Variants in GOT1L1 observed in about 807,000 individuals in gnomAD.
GOT1L1 encodes aspartate aminotransferase, cytoplasmic 2.
Under a neutral mutation model 43.6 loss-of-function variants are expected in GOT1L1, and 38 were observed. That is an observed-to-expected ratio of 0.87 (90% CI 0.67 to 1.14). The LOEUF is 1.14. Ranked by LOEUF, GOT1L1 falls within the 50% of genes most tolerant of loss-of-function variation. The pLI is 0.00. For missense variants in GOT1L1, 482 were observed against 504.0 expected, an observed-to-expected ratio of 0.96 and a Z score of 0.42; for synonymous variants, 183 against 187.2, an observed-to-expected ratio of 0.98 and a Z score of 0.18.
intron 1 of GOT1L1, among the ~76,000 whole-genome samples, chr8:37,939,452 A>ATATATG (rs1807866657): frequency 1.6e-5 from 2 of 121,308 alleles, no homozygotes; most frequent in South Asian, 5.8e-4. Flanking sequence ...ATATATATAT[A>ATATATG]TATATATATA....
rs1252482637 is a variant in GOT1L1 at position 37,936,889 on chromosome 8, C to T, written c.613-19G>A. The T allele has an allele frequency of 1.2e-6, 2 of 1,610,736 alleles. No individual in the cohort carries two copies. The highest frequency in any genetic ancestry group is 1.3e-5 in the African/African-American group (1 of 74,712). ...GCTTGCTCTGTAGGAGAAAGGAGAACAAAAAAAGAATGAGACAGATGGAGG... is the reference window on the plus strand; with the variant it reads ...GCTTGCTCTGTAGGAGAAAGGAGAATAAAAAAAGAATGAGACAGATGGAGG... On this transcript the variant is annotated intron_variant, in intron 5 of 8. Coordinates refer to ENST00000307599, the MANE Select transcript of GOT1L1 (RefSeq NM_152413.3).
chr8:37,935,496 A>G (rs552170130), intron 7 of GOT1L1, among the ~76,000 whole-genome samples: 1 of 152,328 alleles, frequency 6.6e-6, no homozygotes, highest in African/African-American at 2.4e-5. Context: ...GTGCAAAACA[A>G]ATGTCCTATC....
intron 2 of GOT1L1, 24 bp from the exon 3 acceptor site, chr8:37,937,773 A>G (rs1443616947): frequency 1.3e-6 from 2 of 1,524,872 alleles, no homozygotes; most frequent in South Asian, 1.1e-5. Context: ...ATAGACACAA[A>G]TAGGCCAGGT....
At chr8:37,935,291 T>A (rs1807715120) in intron 7 of GOT1L1, 76 bp from the exon 8 acceptor site, 1 of 1,387,246 alleles carries the variant, frequency 7.2e-7, no homozygotes, top group Non-Finnish European at 9.8e-7. Context: ...GCCAGTCCAC[T>A]CTTCTTACCT....
intron 1 of GOT1L1, 69 bp downstream of exon 1, chr8:37,939,846 G>A: frequency 6.7e-7 from 1 of 1,484,780 alleles, no homozygotes; most frequent in Non-Finnish European, 9.2e-7. Flanking sequence ...CCTGCAGCAG[G>A]GAACACTGTC....
At chr8:37,935,508 C>T (rs1211590524) in intron 7 of GOT1L1, among the ~76,000 whole-genome samples, 196 bp downstream of exon 7, 1 of 152,218 alleles carries the variant, frequency 6.6e-6, no homozygotes. Flanking sequence ...TGTCCTATCA[C>T]TCTGTCCCCT....
intron 4 of GOT1L1, 53 bp from the exon 5 acceptor site, chr8:37,937,110 C>T: frequency 6.4e-7 from 1 of 1,554,130 alleles, no homozygotes; most frequent in Non-Finnish European, 8.9e-7. Flanking sequence ...GAGTGGCGGC[C>T]CCAGGGCATT....
In GOT1L1 at chr8:37,937,185, A is replaced by T; in HGVS notation, c.519+92T>A. 8 of 1,217,058 alleles carry T rather than the reference A, an allele frequency of 6.6e-6. 1 individual carries two copies. The highest frequency in any genetic ancestry group is 2.5e-4 in the Middle Eastern group (1 of 4,054). 75.4% of individuals were successfully genotyped at this position (1,217,058 alleles called of 1,614,324 possible). On this transcript the variant is annotated intron_variant, in intron 4 of 8. Transcript: ENST00000307599. ...GGCCAGGCAAATTCAAACCTGGAAA[A>T]GGTCTTGGATGACTTAAGAGGTGTG...
chr8:37,937,344 T>C lies in GOT1L1; in HGVS notation c.452A>G (p.Tyr151Cys). 6.2e-7 allele frequency: 1 copy of C among 1,610,430 alleles called. No individual in the cohort carries two copies. Among genetic ancestry groups the C allele is most frequent in the Admixed American group, 1.7e-5 (1 of 59,242 alleles). The change falls in exon 4 of 9, where the codon TAT becomes TGT. Residue 151 changes from tyrosine to cysteine, a missense_variant. Transcript: ENST00000307599. ...CTTGGGGTCCCAGACAGAGTATTCA[T>C]AAACTGTAAAGCCCATGTCCTGGAA... ...LVFQDMGFTV[Y>C]EYSVWDPKKL... is the part of the protein sequence containing the mutation.
At position 37,937,297 on chromosome 8, in the gene GOT1L1, T is replaced by C. The variant is rs557845117; in HGVS notation, c.499A>G (p.Ile167Val). 41 of 1,605,288 alleles carry C rather than the reference T, an allele frequency of 2.6e-5. No homozygotes were observed. In the East Asian group the frequency reaches 8.0e-4, roughly 31 times the overall value. The change falls in exon 4 of 9, where the codon ATA (isoleucine) becomes GTA (valine). Residue 167 changes from isoleucine (I) to valine (V), a missense_variant. Physicochemically the swap from Ile to Val is conservative, Grantham distance 29. Transcript: ENST00000307599. ...DPKKLCMDPDILLNVVEQIPH... is the reference protein window; with the variant it reads ...DPKKLCMDPDVLLNVVEQIPH... ...TCTACCTCCACCACATTGAGGAGTA[T>C]GTCGGGGTCCATGCATAGCTTCTTG...
At position 37,937,719 on chromosome 8, in the gene GOT1L1, C is replaced by T. The variant is rs1179432179; in HGVS notation, c.328G>A (p.Gly110Ser). 1.2e-5 allele frequency: 20 copies of T among 1,612,834 alleles called. No homozygotes were observed. The highest frequency in any genetic ancestry group is 1.7e-5 in the Non-Finnish European group (20 of 1,179,504). The change falls in exon 3 of 9, where the codon GGT becomes AGT. Residue 110 changes from glycine (G) to serine (S), a missense_variant. Coordinates refer to ENST00000307599, the MANE Select transcript of GOT1L1 (RefSeq NM_152413.3). The stretch of plus-strand genomic sequence containing the variant: ...AACTGGACGCCAAGCTGGAAGGCAC[C>T]ACTGTCACCAACAGTGTGTACACCC... ...VGGVHTVGDS[G>S]AFQLGVQFLR...
intron 6 of GOT1L1, 46 bp from the exon 7 acceptor site, chr8:37,935,915 T>TC: frequency 6.3e-7 from 1 of 1,585,304 alleles, no homozygotes; most frequent in Non-Finnish European, 8.6e-7. Context: ...CTTCCTCCAC[T>TC]CCCAAGGCCT....
chr8:37,939,033 T>A, intron 1 of GOT1L1, 152 bp from the exon 2 acceptor site: 1 of 662,356 alleles, frequency 1.5e-6, no homozygotes, highest in African/African-American at 1.8e-5. Context: ...TCTTTTCTCC[T>A]TGATGAAAAG....
In GOT1L1 at chr8:37,934,500, A is replaced by T. The variant is rs749413328; in HGVS notation, c.1073-14T>A. The T allele has an allele frequency of 5.0e-6, 8 of 1,599,172 alleles. No individual in the cohort carries two copies. Among genetic ancestry groups the T allele is most frequent in the Non-Finnish European group, 6.9e-6 (8 of 1,166,990 alleles). ...CCACCTGCTGGGCTAAAATCATGAC[A>T]AGGTCTCAGATCTCGAGACTGGCCA... is the stretch of plus-strand genomic sequence containing the variant. On this transcript the variant is annotated splice_polypyrimidine_tract_variant and intron_variant, in intron 8 of 8. Transcript: ENST00000307599.
rs1807709980 is a variant in GOT1L1, at chr8:37,935,129, C to T, written c.1016G>A (p.Gly339Glu). The T allele has an allele frequency of 6.2e-7, 1 of 1,613,528 alleles. No homozygotes were observed. The highest frequency in any genetic ancestry group is 8.5e-7 in the Non-Finnish European group (1 of 1,179,736). Residue 339 changes from glycine (G) to glutamate (E), a missense_variant, in exon 8 of 9, where the codon GGG becomes GAG. Gly to Glu is a moderately conservative substitution (Grantham distance 98). Transcript: ENST00000307599. Reference protein sequence around the residue: ...KEKLQLLGTPGSWGHITEQSG... With the variant: ...KEKLQLLGTPESWGHITEQSG... ...CTGCTCGGTGATGTGACCCCAGGACCCAGGGGTTCCCAGGAGCTGGAGTTT... is the reference window on the plus strand; with the variant it reads ...CTGCTCGGTGATGTGACCCCAGGACTCAGGGGTTCCCAGGAGCTGGAGTTT...
chr8:37,937,482 G>T, intron 3 of GOT1L1, 96 bp from the exon 4 acceptor site: 1 of 1,000,522 alleles, frequency 1.0e-6, no homozygotes, highest in South Asian at 1.6e-5. Context: ...CTGGCTGAAG[G>T]TGGGACATTA....
chr8:37,934,494 C>CATG lies in GOT1L1; in HGVS notation c.1073-11_1073-9dup. 6.2e-7 allele frequency: 1 copy of CATG among 1,606,430 alleles called. No homozygotes were observed. The highest frequency in any genetic ancestry group is 8.5e-7 in the Non-Finnish European group (1 of 1,173,312). On this transcript the variant is annotated splice_polypyrimidine_tract_variant and intron_variant, in intron 8 of 8. Transcript: ENST00000307599. ...GGTATTCCACCTGCTGGGCTAAAATCATGACAAGGTCTCAGATCTCGAGAC... is the reference window on the plus strand; with the variant it reads ...GGTATTCCACCTGCTGGGCTAAAATCATGATGACAAGGTCTCAGATCTCGAGAC...
In GOT1L1 at chr8:37,934,470, G is replaced by A. The variant is rs115857959; in HGVS notation, c.1089C>T (p.Tyr363=). ...TATAGATGTGCTTCTTCCTGACCAG[G>A]TATTCCACCTGCTGGGCTAAAATCA... ...YLGLNSQQVE[Y]LVRKKHIYIP... The change falls in exon 9 of 9, where the codon TAC becomes TAT. Residue 363 remains tyrosine, a synonymous_variant. Transcript: ENST00000307599. 1.2e-3 allele frequency: 1,916 copies of A among 1,612,774 alleles called. 27 individuals are homozygous for A. In the African/African-American group the frequency reaches 0.022, roughly 18 times the overall value.
rs545271377 is a variant in GOT1L1 at position 37,938,576 on chromosome 8, C to T, written c.297+124G>A. On this transcript the variant is annotated intron_variant, in intron 2 of 8. Coordinates refer to ENST00000307599, the MANE Select transcript of GOT1L1 (RefSeq NM_152413.3). ...GCTAAGGACTTGTGGACTCTCTGAG[C>T]CTCAGGTATCTCTTTTATCAATACC... is the stretch of plus-strand genomic sequence containing the variant. The T allele has an allele frequency of 2.5e-5, 20 of 809,810 alleles. No individual in the cohort carries two copies. In the South Asian group the frequency reaches 3.0e-4, roughly 12 times the overall value. The allele number at this position is 809,810 out of a possible 1,614,324, so 50.2% of individuals were successfully genotyped here.
Sources: gnomAD v4.1 joint callset for allele counts (sites outside exome capture counted in the v4.1 genomes callset) on GRCh38, gnomAD v4.1.1 for gene constraint, MANE v1.5 for transcripts, NCBI Gene and HGNC (gene_info 2026-07-23, HGNC 2026-07-21) for gene names.